The following NETO1 variants were observed in gnomAD, a reference collection of about 807,000 sequenced individuals.
The protein encoded by NETO1 is neuropilin and tolloid like 1.
Under a neutral mutation model 61.3 loss-of-function variants are expected in NETO1, and 26 were observed. That is an observed-to-expected ratio of 0.42 (90% confidence interval 0.31 to 0.59). NETO1 has a LOEUF of 0.59. NETO1 is among the 20% of genes least tolerant of loss of function. The pLI is 0.12. For synonymous variants in NETO1, 225 were observed against 225.8 expected (o/e 1.00, Z 0.03); for missense variants, 531 against 662.8 (o/e 0.80, Z 2.18).
At position 72,750,070 on chromosome 18, in the gene NETO1, G is replaced by C. The variant is rs770864798; in HGVS notation, c.1533C>G (p.Ala511=). The stretch of plus-strand genomic sequence containing the variant: ...AATCTATTGATACTGACCGCTGGAC[G>C]GCTTTATCGTGTCTGGACAGCCTGT... ...TSHRLSRHDK[A]VQRFCLIGSL... Residue 511 remains alanine, a synonymous_variant, in exon 9 of 11, where the codon GCC becomes GCG. Coordinates refer to ENST00000327305, the MANE Select transcript of NETO1 (RefSeq NM_138966.5). 6.3e-7 allele frequency: 1 copy of C among 1,575,586 alleles called. No homozygotes were observed. Among genetic ancestry groups the C allele is most frequent in the Non-Finnish European group, 8.6e-7 (1 of 1,160,260 alleles).
At chr18:72,762,705 CCATT>C (rs1210726855) in intron 7 of NETO1, among the ~76,000 whole-genome samples, 28 of 152,126 alleles carry the variant, frequency 1.8e-4, no homozygotes, top group Non-Finnish European at 2.4e-4. Flanking sequence ...TCATCTATTC[CCATT>C]ATTACCACAA....
At chr18:72,794,558 A>G (rs2072246715) in intron 4 of NETO1, among the ~76,000 whole-genome samples, 154 bp from the exon 5 acceptor site, 1 of 152,238 alleles carries the variant, frequency 6.6e-6, no homozygotes, top group South Asian at 2.1e-4. Context: ...ATGATTAAAT[A>G]AAAAGTGCAT....
chr18:72,821,427 G>C (rs138697012), intron 4 of NETO1, among the ~76,000 whole-genome samples: 2,856 of 150,942 alleles, frequency 0.019, 39 homozygotes, highest in Middle Eastern at 0.031. Flanking sequence ...ATAGCCAGGC[G>C]TGGTGGCACA....
At chr18:72,805,429 TTTAG>T (rs1287086063) in intron 4 of NETO1, among the ~76,000 whole-genome samples, 1 of 152,238 alleles carries the variant, frequency 6.6e-6, no homozygotes, top group Non-Finnish European at 1.5e-5. Context: ...CTTATTTTCA[TTTAG>T]TTAGATCCAC....
Position 72,782,926 on chromosome 18 carries a change from A to C in NETO1, c.868+752T>G, listed in dbSNP as rs1041448419. ...AATTAATGATGCTGAACATTTGTATATGCTTGTTGGCCACATGAAGTGTCT... is the reference window on the plus strand; with the variant it reads ...AATTAATGATGCTGAACATTTGTATCTGCTTGTTGGCCACATGAAGTGTCT... On this transcript the variant is annotated intron_variant, in intron 7 of 10. Transcript: ENST00000327305. 6.6e-5 allele frequency among the ~76,000 whole-genome samples: 10 copies of C among 152,336 alleles called. No homozygotes were observed. In the South Asian group the frequency reaches 2.1e-3, roughly 32 times the overall value.
intron 8 of NETO1, among the ~76,000 whole-genome samples, chr18:72,755,572 T>C (rs1185986831): frequency 6.6e-6 from 1 of 152,154 alleles, no homozygotes; most frequent in Non-Finnish European, 1.5e-5. Context: ...AAAAGCATTT[T>C]CGTAGCAAAA....
At chr18:72,853,371 G>GC (rs1185153037) in intron 4 of NETO1, 1 of 152,552 alleles carries the variant, frequency 6.6e-6, no homozygotes, top group African/African-American at 2.4e-5. Context: ...TGGCAAATCC[G>GC]CAAGTACTTT....
At chr18:72,838,640 T>C (rs2073830351) in intron 4 of NETO1, among the ~76,000 whole-genome samples, 1 of 152,204 alleles carries the variant, frequency 6.6e-6, no homozygotes, top group Non-Finnish European at 1.5e-5. Flanking sequence ...TTCTAAACCC[T>C]AAGGCATGAA....
At chr18:72,836,476 C>T (rs2073752853) in intron 4 of NETO1, among the ~76,000 whole-genome samples, 1 of 152,138 alleles carries the variant, frequency 6.6e-6, no homozygotes, top group Non-Finnish European at 1.5e-5. Context: ...CTGAGGTCCA[C>T]ATTGGTCTGG....
In NETO1 at chr18:72,867,374, G is replaced by T; in HGVS notation, c.-83C>A. 8.7e-7 allele frequency: 1 copy of T among 1,150,346 alleles called. No individual in the cohort carries two copies. The highest frequency in any genetic ancestry group is 1.2e-6 in the Non-Finnish European group (1 of 826,810). 71.3% of individuals were successfully genotyped at this position (1,150,346 alleles called of 1,614,324 possible). A position where few individuals can be genotyped will look rare whatever the true frequency, so the allele number is the denominator to read the frequency against. On this transcript the variant is annotated 5_prime_UTR_variant, in exon 1 of 11. Transcript: ENST00000327305. ...ACTTCCAGTGGCGGGGGGAGGACAG[G>T]GTCGAGAGGTGTTAAAGACGCAAAG...
At chr18:72,779,296 T>C (rs571602947) in intron 7 of NETO1, among the ~76,000 whole-genome samples, 1 of 150,954 alleles carries the variant, frequency 6.6e-6, no homozygotes, top group South Asian at 2.1e-4. Context: ...TGTATAATTA[T>C]ATATTAGATT....
chr18:72,819,578 T>C (rs535967159), intron 4 of NETO1, among the ~76,000 whole-genome samples: 1 of 152,246 alleles, frequency 6.6e-6, no homozygotes, highest in African/African-American at 2.4e-5. Context: ...TGTAAAGAAA[T>C]CTGGATTTAA....
chr18:72,818,131 A>G (rs928427223), intron 4 of NETO1, among the ~76,000 whole-genome samples: 22 of 152,210 alleles, frequency 1.4e-4, no homozygotes, highest in Admixed American at 3.9e-4. Context: ...CTATTAATCA[A>G]AAATGCATAC....
intron 4 of NETO1, among the ~76,000 whole-genome samples, chr18:72,807,770 T>C (rs934572780): frequency 1.3e-5 from 2 of 150,986 alleles, no homozygotes; most frequent in Non-Finnish European, 3.0e-5. Flanking sequence ...ACTGTCCAAA[T>C]GCTGGAGTTT....
Position 72,852,784 on chromosome 18 carries a change from G to T in NETO1, c.469+6042C>A, listed in dbSNP as rs572373212. ...GAGATGGAAGAAATCACCTTCACAT[G>T]AATATCTTGATTATTCAAAAATATC... is the stretch of plus-strand genomic sequence containing the variant. On this transcript the variant is annotated intron_variant, in intron 4 of 10. Coordinates refer to ENST00000327305, the MANE Select transcript of NETO1 (RefSeq NM_138966.5). Among the ~76,000 whole-genome samples the T allele has an allele frequency of 2.6e-5, 4 of 151,196 alleles. No individual in the cohort carries two copies. The South Asian group carries it at 8.4e-4, about 32-fold the overall frequency.
At chr18:72,760,408 C>T (rs2070932159) in intron 7 of NETO1, among the ~76,000 whole-genome samples, 1 of 152,162 alleles carries the variant, frequency 6.6e-6, no homozygotes, top group South Asian at 2.1e-4. Context: ...AGTACTTCTC[C>T]ACACACATCA....
intron 4 of NETO1, among the ~76,000 whole-genome samples, chr18:72,856,348 T>C (rs187292111): frequency 2.0e-5 from 3 of 152,282 alleles, no homozygotes; most frequent in Admixed American, 2.0e-4. Context: ...GTAGTATAGG[T>C]AGGAATTTTG....
chr18:72,853,420 C>T (rs2074316287), intron 4 of NETO1: 1 of 152,374 alleles, frequency 6.6e-6, no homozygotes, highest in South Asian at 2.1e-4. Context: ...ACATACTGAC[C>T]TAAATTTTTT....
chr18:72,756,954 G>T (rs1190478859), intron 7 of NETO1, among the ~76,000 whole-genome samples: 2 of 152,082 alleles, frequency 1.3e-5, no homozygotes, highest in Non-Finnish European at 2.9e-5. Context: ...TTATTGGAGT[G>T]ACAGAATATT....
Sources: gnomAD v4.1 joint callset for allele counts (sites outside exome capture counted in the v4.1 genomes callset) on GRCh38, gnomAD v4.1.1 for gene constraint, MANE v1.5 for transcripts, NCBI Gene and HGNC (gene_info 2026-07-23, HGNC 2026-07-21) for gene names.